NRXN1: variants seen among roughly 807,000 people sequenced by gnomAD.
NRXN1 encodes the protein neurexin 1, also known as neurexin-1.
In NRXN1, 39 loss-of-function variants were observed where a neutral mutation model predicts 150.9. The observed-to-expected ratio is 0.26, with a 90% confidence interval of 0.20 to 0.34. The LOEUF (loss-of-function observed/expected upper bound fraction) is 0.34. Among genes scored for constraint, NRXN1 ranks in the 10% least tolerant of loss-of-function variants. The pLI is 1.00. For synonymous variants in NRXN1, 924 were observed against 757.0 expected, an observed-to-expected ratio of 1.22 and a Z score of -3.62; for missense variants, 1,815 against 1,949.9, an observed-to-expected ratio of 0.93 and a Z score of 1.30.
intron 18 of NRXN1, among the ~76,000 whole-genome samples, chr2:50,193,936 T>C (rs946386402): frequency 6.6e-6 from 1 of 152,212 alleles, no homozygotes; most frequent in Admixed American, 6.5e-5. Flanking sequence ...ATTACACTAC[T>C]ATTACTCCTT....
In NRXN1 at chr2:50,664,396, CGTGTGT is replaced by C. The variant is rs35702112; in HGVS notation, c.833-40787_833-40782del. Among the ~76,000 whole-genome samples, 378 of 108,070 alleles carry C rather than the reference CGTGTGT, an allele frequency of 3.5e-3. 1 individual carries two copies. Among genetic ancestry groups the C allele is most frequent in the Middle Eastern group, 9.7e-3 (2 of 206 alleles). 70.9% of individuals were successfully genotyped at this position (108,070 alleles called of 152,430 possible). A position where few individuals can be genotyped will look rare whatever the true frequency, so the allele number is the denominator to read the frequency against. Reference sequence around the variant, plus strand: ...ACTTTTGAGAATTCAAAGTTTAAAGCGTGTGTGTGTGTGTGTGTGTGTGTGTGTGTG... The same window carrying C: ...ACTTTTGAGAATTCAAAGTTTAAAGCGTGTGTGTGTGTGTGTGTGTGTGTG... On this transcript the variant is annotated intron_variant, in intron 5 of 22. Coordinates refer to ENST00000401669, the MANE Select transcript of NRXN1 (RefSeq NM_001330078.2).
chr2:50,370,397 C>A (rs955217502), intron 17 of NRXN1, among the ~76,000 whole-genome samples: 2 of 152,024 alleles, frequency 1.3e-5, no homozygotes, highest in Non-Finnish European at 2.9e-5. Flanking sequence ...AACACCGATG[C>A]TCACAAATGT....
intron 8 of NRXN1, among the ~76,000 whole-genome samples, chr2:50,613,315 A>T (rs1196946627): frequency 2.0e-5 from 3 of 152,176 alleles, no homozygotes; most frequent in African/African-American, 7.2e-5. Flanking sequence ...CCAAGCCATC[A>T]TCTCTAGTGC....
intron 21 of NRXN1, among the ~76,000 whole-genome samples, chr2:50,030,050 G>A (rs916224922): frequency 6.6e-6 from 1 of 152,150 alleles, no homozygotes; most frequent in Non-Finnish European, 1.5e-5. Context: ...TATGTGTCAA[G>A]TGGGTAGCAG....
At chr2:50,228,369 G>A (rs1199179925) in intron 18 of NRXN1, among the ~76,000 whole-genome samples, 1 of 151,866 alleles carries the variant, frequency 6.6e-6, no homozygotes, top group Non-Finnish European at 1.5e-5. Context: ...GTAGCAATTC[G>A]GTGACAAACT....
chr2:50,098,031 T>C (rs1219188905), intron 18 of NRXN1, among the ~76,000 whole-genome samples: 1 of 152,032 alleles, frequency 6.6e-6, no homozygotes, highest in African/African-American at 2.4e-5. Flanking sequence ...TGGTAAGAAG[T>C]GGTTTTAATC....
intron 5 of NRXN1, among the ~76,000 whole-genome samples, chr2:50,716,132 T>C (rs1381310233): frequency 6.6e-6 from 1 of 152,166 alleles, no homozygotes; most frequent in East Asian, 1.9e-4. Flanking sequence ...GGCACAAACA[T>C]CTATTCCATG....
intron 5 of NRXN1, among the ~76,000 whole-genome samples, chr2:50,915,189 G>A (rs1685046217): frequency 6.6e-6 from 1 of 151,524 alleles, no homozygotes; most frequent in African/African-American, 2.4e-5. Flanking sequence ...ATAATTATAT[G>A]TTATTTTTCC....
intron 5 of NRXN1, chr2:50,898,657 T>G (rs1329755021): frequency 4.8e-6 from 2 of 419,058 alleles, no homozygotes; most frequent in African/African-American, 2.1e-5. Context: ...AATTCCCACA[T>G]TTCAAAAATT....
At chr2:50,685,697 C>T (rs911178837) in intron 5 of NRXN1, among the ~76,000 whole-genome samples, 3 of 152,078 alleles carry the variant, frequency 2.0e-5, no homozygotes, top group Admixed American at 2.0e-4. Context: ...ATTAATTTGT[C>T]TAATTTTGTT....
At chr2:50,721,800 T>G (rs1696692380) in intron 5 of NRXN1, among the ~76,000 whole-genome samples, 1 of 152,176 alleles carries the variant, frequency 6.6e-6, no homozygotes, top group East Asian at 1.9e-4. Context: ...ATATTTTTAC[T>G]CATATTTTAC....
At chr2:50,141,438 CA>C in intron 18 of NRXN1, among the ~76,000 whole-genome samples, 1 of 151,746 alleles carries the variant, frequency 6.6e-6, no homozygotes, top group East Asian at 1.9e-4. Flanking sequence ...ACACAGGGAA[CA>C]AAAACAAAAA....
intron 21 of NRXN1, among the ~76,000 whole-genome samples, chr2:49,992,009 G>A (rs552412233): frequency 6.6e-5 from 10 of 152,092 alleles, no homozygotes; most frequent in African/African-American, 1.9e-4. Flanking sequence ...TTCAACAAAC[G>A]GTGCTAGAAC....
chr2:50,236,877 G>A lies in NRXN1; in HGVS notation c.3458C>T (p.Ala1153Val), dbSNP rs2065486936. The A allele has an allele frequency of 6.2e-7, 1 of 1,613,222 alleles. No homozygotes were observed. Among genetic ancestry groups the A allele is most frequent in the Non-Finnish European group, 8.5e-7 (1 of 1,179,614 alleles). Residue 1153 changes from alanine (A) to valine (V), a missense_variant, in exon 18 of 23, where the codon GCC becomes GTC. Ala to Val is a moderately conservative substitution (Grantham distance 64, BLOSUM62 0). Transcript: ENST00000401669. Reference sequence around the variant, plus strand: ...TTTCTGAACAGTGCTAAAACCTATGGCCAGTCTGTCTGCTCGTGTACTGGG... The same window carrying A: ...TTTCTGAACAGTGCTAAAACCTATGACCAGTCTGTCTGCTCGTGTACTGGG... ...DRPSTRADRL[A>V]IGFSTVQKEA... is the part of the protein sequence containing the mutation.
At chr2:50,145,594 A>C (rs2152764969) in intron 18 of NRXN1, among the ~76,000 whole-genome samples, 1 of 151,750 alleles carries the variant, frequency 6.6e-6, no homozygotes, top group African/African-American at 2.4e-5. Flanking sequence ...TTTTTAGGGG[A>C]GAAGAAGGAA....
At chr2:50,673,648 C>T (rs187041779) in intron 5 of NRXN1, among the ~76,000 whole-genome samples, 1 of 151,966 alleles carries the variant, frequency 6.6e-6, no homozygotes, top group East Asian at 1.9e-4. Context: ...ATGTAACCAG[C>T]AAACAGACAG....
chr2:50,092,098 T>C (rs1177840098), intron 18 of NRXN1, among the ~76,000 whole-genome samples: 1 of 152,212 alleles, frequency 6.6e-6, no homozygotes, highest in Non-Finnish European at 1.5e-5. Flanking sequence ...GTACAAGACT[T>C]GTTCAAGGAC....
chr2:50,636,110 T>A (rs1207209764), intron 5 of NRXN1, among the ~76,000 whole-genome samples: 1 of 152,144 alleles, frequency 6.6e-6, no homozygotes, highest in Non-Finnish European at 1.5e-5. Flanking sequence ...GAGCACTTGG[T>A]TAATTAAGGC....
intron 8 of NRXN1, among the ~76,000 whole-genome samples, chr2:50,597,120 C>T (rs1159680491): frequency 1.3e-5 from 2 of 152,092 alleles, no homozygotes; most frequent in African/African-American, 4.8e-5. Flanking sequence ...GCTAGGATTT[C>T]AGGAACGAGT....
Sources: gnomAD v4.1 joint callset for allele counts (sites outside exome capture counted in the v4.1 genomes callset) on GRCh38, gnomAD v4.1.1 for gene constraint, MANE v1.5 for transcripts, NCBI Gene and HGNC (gene_info 2026-07-23, HGNC 2026-07-21) for gene names.